CDH18: variants seen among roughly 807,000 people sequenced by gnomAD.
The protein encoded by CDH18 is cadherin-18.
Under a neutral mutation model 67.9 loss-of-function variants are expected in CDH18, and 31 were observed. The observed-to-expected ratio is 0.46, with a 90% confidence interval of 0.34 to 0.62. CDH18 has a LOEUF of 0.62. Among genes scored for constraint, CDH18 ranks in the 20% least tolerant of loss-of-function variants. The pLI is 0.01. For missense variants in CDH18, 890 were observed against 975.5 expected, an observed-to-expected ratio of 0.91 and a Z score of 1.17; for synonymous variants, 362 against 347.2, an observed-to-expected ratio of 1.04 and a Z score of -0.48.
intron 1 of CDH18, among the ~76,000 whole-genome samples, chr5:20,406,960 T>A (rs1746324186): frequency 6.6e-6 from 1 of 152,184 alleles, no homozygotes; most frequent in Non-Finnish European, 1.5e-5. Flanking sequence ...AGGAGGAAAC[T>A]TCTAGCTGTC....
At chr5:20,451,516 G>GA (rs1421613034) in intron 1 of CDH18, among the ~76,000 whole-genome samples, 1 of 152,044 alleles carries the variant, frequency 6.6e-6, no homozygotes, top group Non-Finnish European at 1.5e-5. Flanking sequence ...AATAAATGGA[G>GA]AAAAATATTT....
intron 2 of CDH18, among the ~76,000 whole-genome samples, chr5:20,209,140 T>C (rs1740149231): frequency 6.6e-6 from 1 of 152,110 alleles, no homozygotes; most frequent in African/African-American, 2.4e-5. Context: ...GGAATGTGTG[T>C]ATACTGTTGG....
At chr5:19,773,315 T>G (rs555210081) in intron 3 of CDH18, among the ~76,000 whole-genome samples, 1 of 152,234 alleles carries the variant, frequency 6.6e-6, no homozygotes, top group South Asian at 2.1e-4. Context: ...TAGTTTAAAG[T>G]TTTTATTTAA....
rs189513965 is a variant in CDH18 at position 20,432,918 on chromosome 5, T to G, written c.-580+142544A>C. On this transcript the variant is annotated intron_variant, in intron 1 of 14. Coordinates refer to the CDH18 transcript ENST00000507958. Reference sequence around the variant, plus strand: ...AATTATATAATATATATTTTAGGCCTCTTATAGATATAATATATATTTTAT... The same window carrying G: ...AATTATATAATATATATTTTAGGCCGCTTATAGATATAATATATATTTTAT... Among the ~76,000 whole-genome samples, 1,175 of 148,744 alleles carry G rather than the reference T, an allele frequency of 7.9e-3. 13 individuals carry two copies. The highest frequency in any genetic ancestry group is 0.016 in the South Asian group (78 of 4,776).
At chr5:19,630,628 CTA>C (rs1262799003) in intron 5 of CDH18, among the ~76,000 whole-genome samples, 1 of 152,110 alleles carries the variant, frequency 6.6e-6, no homozygotes, top group Non-Finnish European at 1.5e-5. Flanking sequence ...CAATATTTTT[CTA>C]TCTTATTTCT....
intron 2 of CDH18, among the ~76,000 whole-genome samples, chr5:19,847,062 C>A (rs1363182012): frequency 6.6e-6 from 1 of 151,878 alleles, no homozygotes; most frequent in Non-Finnish European, 1.5e-5. Flanking sequence ...TTTCCAAATT[C>A]TCTTATCTTT....
chr5:19,947,539 G>T lies in CDH18; in HGVS notation c.-257+33521C>A, dbSNP rs531418313. Among the ~76,000 whole-genome samples the T allele has an allele frequency of 3.0e-5, 4 of 133,098 alleles. No individual in the cohort carries two copies. In the South Asian group the frequency reaches 9.9e-4, roughly 33 times the overall value. 87.3% of individuals were successfully genotyped at this position (133,098 alleles called of 152,430 possible). A position where few individuals can be genotyped will look rare whatever the true frequency, so the allele number is the denominator to read the frequency against. On this transcript the variant is annotated intron_variant, in intron 2 of 12. Coordinates refer to ENST00000382275, the MANE Select transcript of CDH18 (RefSeq NM_004934.5). ...GTGGATTGCCTGAGCTCAGGAGTTC[G>T]CAATCAGCCTGGGCAATATGGTGAA...
intron 1 of CDH18, among the ~76,000 whole-genome samples, chr5:20,425,163 T>A (rs1053856518): frequency 4.6e-5 from 7 of 150,862 alleles, no homozygotes; most frequent in African/African-American, 1.7e-4. Flanking sequence ...GTCAGAAGTT[T>A]GAGTCCAGCC....
chr5:20,172,220 A>ACG (rs1561848616), intron 2 of CDH18, among the ~76,000 whole-genome samples: 4 of 79,484 alleles, frequency 5.0e-5, no homozygotes, highest in Admixed American at 1.4e-4. Flanking sequence ...ATATATATAT[A>ACG]TATGTATATA....
At chr5:19,867,832 C>A (rs1439661878) in intron 2 of CDH18, among the ~76,000 whole-genome samples, 1 of 152,162 alleles carries the variant, frequency 6.6e-6, no homozygotes, top group Non-Finnish European at 1.5e-5. Context: ...ACCCAAATCA[C>A]ATCTTGAGTT....
At chr5:19,627,215 A>G (rs927807051) in intron 5 of CDH18, among the ~76,000 whole-genome samples, 1 of 152,206 alleles carries the variant, frequency 6.6e-6, no homozygotes, top group Non-Finnish European at 1.5e-5. Flanking sequence ...TTTAAACCCC[A>G]AAGTAACCAT....
At chr5:19,561,635 T>C (rs747141718) in intron 8 of CDH18, among the ~76,000 whole-genome samples, 1 of 152,114 alleles carries the variant, frequency 6.6e-6, no homozygotes, top group Non-Finnish European at 1.5e-5. Context: ...ACATCACTTG[T>C]TCCCCAAAAA....
chr5:20,381,109 G>T (rs191084246), intron 1 of CDH18, among the ~76,000 whole-genome samples: 1 of 152,232 alleles, frequency 6.6e-6, no homozygotes, highest in Admixed American at 6.5e-5. Context: ...ACAGAGAAAA[G>T]GCCATGTGAG....
chr5:20,341,531 A>C (rs1402122203), intron 1 of CDH18, among the ~76,000 whole-genome samples: 4 of 91,634 alleles, frequency 4.4e-5, no homozygotes, highest in African/African-American at 1.8e-4. Flanking sequence ...TTTCTAATAT[A>C]TATATTAGAG....
chr5:20,424,932 A>G (rs1367271346), intron 1 of CDH18, among the ~76,000 whole-genome samples: 6 of 150,540 alleles, frequency 4.0e-5, no homozygotes. Context: ...GCAGAGCACC[A>G]GAAGAGGTGT....
At position 19,694,690 on chromosome 5, in the gene CDH18, T is replaced by C. The variant is rs143025871; in HGVS notation, c.643+26657A>G. On this transcript the variant is annotated intron_variant, in intron 5 of 12. Transcript: ENST00000382275. ...GTGTGTGTGTGTCTGTGTGTGTTTA[T>C]TTTTTTGTTCCTATTGTCTCCTGGA... is the stretch of plus-strand genomic sequence containing the variant. 9.0e-3 allele frequency among the ~76,000 whole-genome samples: 1,364 copies of C among 152,032 alleles called. 22 individuals carry two copies. The highest frequency in any genetic ancestry group is 0.032 in the African/African-American group (1,310 of 41,470).
At chr5:20,431,945 C>T (rs1393907401) in intron 1 of CDH18, among the ~76,000 whole-genome samples, 1 of 152,146 alleles carries the variant, frequency 6.6e-6, no homozygotes, top group African/African-American at 2.4e-5. Flanking sequence ...CTTTTTCCGT[C>T]TAACCCTAAT....
chr5:20,336,499 G>A (rs1739752972), intron 1 of CDH18, among the ~76,000 whole-genome samples: 1 of 151,938 alleles, frequency 6.6e-6, no homozygotes, highest in Non-Finnish European at 1.5e-5. Flanking sequence ...AAGGCGGGCG[G>A]ATCACGAGGC....
intron 2 of CDH18, among the ~76,000 whole-genome samples, chr5:20,087,480 GA>G (rs3067921): frequency 0.76 from 112,126 of 147,136 alleles, 44,932 homozygotes; most frequent in Non-Finnish European, 0.9. Context: ...TTTTTGTGGG[GA>G]AAAAAAAAAA....
Sources: allele counts gnomAD v4.1 joint callset (sites outside exome capture counted in the v4.1 genomes callset), GRCh38; gene constraint gnomAD v4.1.1; transcripts MANE v1.5; gene names NCBI Gene and HGNC (gene_info 2026-07-23, HGNC 2026-07-21).